Variants in ANO3 observed in about 807,000 individuals in gnomAD.
ANO3 encodes the protein anoctamin-3.
ANO3 carries 99 observed loss-of-function variants against 144.8 expected under a neutral mutation model. The ratio of observed to expected loss-of-function variants is 0.68; its 90% confidence interval spans 0.58 to 0.81. The LOEUF is 0.81. Ranked by LOEUF, ANO3 falls within the 30% of genes least tolerant of loss-of-function variation. The pLI is 0.00. For synonymous variants in ANO3, 414 were observed against 392.6 expected (o/e 1.05, Z -0.64); for missense variants, 905 against 1,202.2 (o/e 0.75, Z 3.66).
chr11:26,517,315 T>C (rs1861901448), intron 6 of ANO3, among the ~76,000 whole-genome samples: 1 of 152,054 alleles, frequency 6.6e-6, no homozygotes, highest in Admixed American at 6.6e-5. Context: ...CTTCTCTGTA[T>C]AGTCATTAGC....
intron 11 of ANO3, among the ~76,000 whole-genome samples, chr11:26,545,125 C>G (rs898797656): frequency 6.6e-6 from 1 of 152,026 alleles, no homozygotes; most frequent in African/African-American, 2.4e-5. Flanking sequence ...AAATTTGTAA[C>G]TACTTATTTT....
chr11:26,307,508 C>T (rs953804544), upstream of ANO3, among the ~76,000 whole-genome samples: 2 of 152,128 alleles, frequency 1.3e-5, no homozygotes, highest in African/African-American at 2.4e-5. Flanking sequence ...CGAGACCAGC[C>T]TGGCCAATAT....
chr11:26,418,459 C>T (rs1857656904), intron 1 of ANO3, among the ~76,000 whole-genome samples: 1 of 152,040 alleles, frequency 6.6e-6, no homozygotes, highest in Non-Finnish European at 1.5e-5. Context: ...CTTCCTGGGT[C>T]CATGTAACTC....
intron 1 of ANO3, among the ~76,000 whole-genome samples, chr11:26,225,309 AAATAT>A (rs1276052140): frequency 1.4e-5 from 2 of 146,742 alleles, no homozygotes; most frequent in African/African-American, 2.6e-5. Context: ...ACAAGATTAT[AAATAT>A]AATATTAAGT....
At chr11:26,328,546 C>A (rs1034025947), upstream of ANO3, among the ~76,000 whole-genome samples, 31 of 152,238 alleles carry the variant, frequency 2.0e-4, no homozygotes, top group Admixed American at 1.1e-3. Flanking sequence ...AGCTGAGGGA[C>A]CTATTTCGAA....
intron 1 of ANO3, among the ~76,000 whole-genome samples, chr11:26,299,173 C>A (rs144470812): frequency 3.3e-5 from 5 of 152,144 alleles, no homozygotes; most frequent in African/African-American, 9.6e-5. Context: ...AGAGGAATGA[C>A]AAAGGAGGCT....
At chr11:26,403,957 G>T (rs1269007408) in intron 1 of ANO3, among the ~76,000 whole-genome samples, 3 of 151,782 alleles carry the variant, frequency 2.0e-5, no homozygotes, top group Non-Finnish European at 2.9e-5. Flanking sequence ...TCCTCAGAAT[G>T]AAATTTTGTG....
intron 1 of ANO3, among the ~76,000 whole-genome samples, chr11:26,407,074 GTGTA>G (rs1209027334): frequency 2.5e-3 from 253 of 101,634 alleles, no homozygotes; most frequent in African/African-American, 6.1e-3. Flanking sequence ...GTGTGTGTGT[GTGTA>G]TATATATATA....
intron 1 of ANO3, among the ~76,000 whole-genome samples, chr11:26,299,206 G>A (rs78721970): frequency 0.039 from 5,951 of 152,204 alleles, 400 homozygotes; most frequent in African/African-American, 0.14. Context: ...TAGTGAGGCT[G>A]GAGAAGAATC....
At chr11:26,618,636 T>G (rs1441764641) in intron 17 of ANO3, among the ~76,000 whole-genome samples, 1 of 152,200 alleles carries the variant, frequency 6.6e-6, no homozygotes, top group Non-Finnish European at 1.5e-5. Context: ...CCCTCATTGC[T>G]TAAAACCACT....
chr11:26,283,618 T>C (rs1219061129), intron 1 of ANO3, among the ~76,000 whole-genome samples: 1 of 152,040 alleles, frequency 6.6e-6, no homozygotes, highest in Non-Finnish European at 1.5e-5. Flanking sequence ...ATTTCTCACT[T>C]AGTAAGTACC....
chr11:26,348,526 A>G (rs1395535679), intron 1 of ANO3, among the ~76,000 whole-genome samples: 2 of 152,230 alleles, frequency 1.3e-5, no homozygotes, highest in Non-Finnish European at 2.9e-5. Context: ...TTAATATTAT[A>G]AAGATGGCCA....
At chr11:26,340,119 G>C (rs1386444358) in intron 1 of ANO3, among the ~76,000 whole-genome samples, 4 of 152,108 alleles carry the variant, frequency 2.6e-5, no homozygotes, top group African/African-American at 9.7e-5. Flanking sequence ...TCTTATCATC[G>C]TACTCTTAGA....
chr11:26,658,883 A>G (rs1258559758), intron 26 of ANO3, among the ~76,000 whole-genome samples: 1 of 152,170 alleles, frequency 6.6e-6, no homozygotes, highest in East Asian at 1.9e-4. Context: ...AATTCTTCAT[A>G]GACTATTATC....
intron 17 of ANO3, among the ~76,000 whole-genome samples, chr11:26,608,471 G>A (rs778151883): frequency 6.6e-6 from 1 of 152,164 alleles, no homozygotes; most frequent in South Asian, 2.1e-4. Flanking sequence ...GTCCCTTGGT[G>A]GAGGGGGTGT....
In ANO3 at chr11:26,236,817, C is replaced by CAAA. The variant is rs55979503; in HGVS notation, c.154+47505_154+47507dup. Among the ~76,000 whole-genome samples the CAAA allele has an allele frequency of 5.5e-4, 48 of 86,644 alleles. 1 individual carries two copies. In the East Asian group the frequency reaches 6.1e-3, roughly 11 times the overall value. The allele number at this position is 86,644 out of a possible 152,430, so 56.8% of individuals were successfully genotyped here. ...TGGGCGACAGAGTGAGACTCCGTCT[C>CAAA]AAAAAAAAAAAAAAAAAAAAGAATC... On this transcript the variant is annotated intron_variant, in intron 1 of 27. Coordinates refer to the ANO3 transcript ENST00000672621.
In ANO3 at chr11:26,313,697, A is replaced by G. The variant is rs566579210; in HGVS notation, c.-3+3978A>G. On this transcript the variant is annotated intron_variant, in intron 1 of 26. Transcript: ENST00000525139. Reference sequence around the variant, plus strand: ...CAAGACTGTGTCTCAAAAAAAAATAAAAAAAGAAAGAAAGAAAATTACAGG... The same window carrying G: ...CAAGACTGTGTCTCAAAAAAAAATAGAAAAAGAAAGAAAGAAAATTACAGG... Among the ~76,000 whole-genome samples, 39 of 152,084 alleles carry G rather than the reference A, an allele frequency of 2.6e-4. 1 individual carries two copies. The East Asian group carries it at 6.8e-3, about 26-fold the overall frequency.
At chr11:26,338,077 A>G (rs910886563) in intron 1 of ANO3, among the ~76,000 whole-genome samples, 1 of 151,642 alleles carries the variant, frequency 6.6e-6, no homozygotes, top group Non-Finnish European at 1.5e-5. Context: ...GTTTCAGGAC[A>G]GTAACATCTA....
intron 4 of ANO3, among the ~76,000 whole-genome samples, chr11:26,486,336 G>A (rs1329320585): frequency 7.0e-6 from 1 of 142,124 alleles, no homozygotes; most frequent in African/African-American, 2.6e-5. Context: ...ACTCCAGTCT[G>A]GGCGACAGAG....
Sources: allele counts gnomAD v4.1 joint callset (sites outside exome capture counted in the v4.1 genomes callset), GRCh38; gene constraint gnomAD v4.1.1; transcripts MANE v1.5; gene names NCBI Gene and HGNC (gene_info 2026-07-23, HGNC 2026-07-21).